The following DUSP22 variants were observed in gnomAD, a reference collection of about 807,000 sequenced individuals.
DUSP22 encodes the protein dual specificity phosphatase 22, also known as dual specificity protein phosphatase 22.
DUSP22 carries 24 observed loss-of-function variants against 24.5 expected under a neutral mutation model. That is an observed-to-expected ratio of 0.98 (90% CI 0.71 to 1.38). The LOEUF is 1.38. Among genes scored for constraint, DUSP22 ranks in the 40% most tolerant of loss-of-function variants. The pLI is 0.00. For synonymous variants in DUSP22, 160 were observed against 106.4 expected (o/e 1.50, Z -3.10); for missense variants, 330 against 269.2 (o/e 1.23, Z -1.58).
chr6:332,230 T>C (rs1166789336), intron 3 of DUSP22, among the ~76,000 whole-genome samples: 4 of 152,302 alleles, frequency 2.6e-5, no homozygotes, highest in Non-Finnish European at 5.9e-5. Flanking sequence ...GGTTTTCTAT[T>C]TTTATCTGTC....
chr6:348,019 A>C (rs1220883315), intron 5 of DUSP22, 84 bp from the exon 6 acceptor site: 1 of 1,567,238 alleles, frequency 6.4e-7, no homozygotes, highest in Non-Finnish European at 8.7e-7. Context: ...CAAGGTCCTT[A>C]GAGTCCCCCG....
At chr6:315,225 G>C (rs1033640622) in intron 3 of DUSP22, among the ~76,000 whole-genome samples, 1 of 152,310 alleles carries the variant, frequency 6.6e-6, no homozygotes, top group African/African-American at 2.4e-5. Flanking sequence ...GGACCTTCAA[G>C]CTCTCTAGTA....
At chr6:335,424 C>T (rs73717035) in intron 4 of DUSP22, among the ~76,000 whole-genome samples, 11,754 of 148,778 alleles carry the variant, frequency 0.079, 26 homozygotes, top group East Asian at 0.22. Flanking sequence ...CTGATGTTTA[C>T]AAAGGATACC....
chr6:296,566 C>G (rs1003203939), intron 1 of DUSP22, among the ~76,000 whole-genome samples: 1 of 151,036 alleles, frequency 6.6e-6, no homozygotes, highest in Non-Finnish European at 1.5e-5. Flanking sequence ...TTGAAAACTC[C>G]TAGTTGACTC....
chr6:338,838 G>A lies in DUSP22; in HGVS notation c.188+3675G>A, dbSNP rs1358234641. ...ACGAACAGGAATTCTGGCAAGTTAT[G>A]CTTAGTAAGAGATGTGTGACCTTTG... On this transcript the variant is annotated intron_variant, in intron 4 of 6. Transcript: ENST00000419235. Among the ~76,000 whole-genome samples, 4 of 152,304 alleles carry A rather than the reference G, an allele frequency of 2.6e-5. No individual in the cohort carries two copies. In the East Asian group the frequency reaches 7.7e-4, roughly 29 times the overall value.
chr6:312,195 G>A (rs73717027), intron 3 of DUSP22, among the ~76,000 whole-genome samples: 72 of 152,392 alleles, frequency 4.7e-4, no homozygotes, highest in African/African-American at 1.5e-3. Context: ...TTTGGCTTTC[G>A]TGGCTAAATG....
intron 1 of DUSP22, among the ~76,000 whole-genome samples, chr6:299,460 A>G (rs1220420171): frequency 1.3e-4 from 20 of 152,302 alleles, no homozygotes; most frequent in African/African-American, 4.8e-4. Context: ...TAGAAGTTGA[A>G]ATATTCATGG....
chr6:348,948 CT>C lies in DUSP22; in HGVS notation c.616del (p.Ter206AsnfsTer68). ...CCTACGATAATTATACGACGGAGAC[CT>C]AACGCAAGCGACCTGCTGCCTTCCT... ...LTYDNYTTET[*>X] is the part of the protein sequence containing the mutation. On this transcript the variant is annotated frameshift_variant and stop_lost, in exon 7 of 7. Transcript: ENST00000419235. LOFTEE classifies it high-confidence loss of function. 1 of 1,587,166 alleles carries C rather than the reference CT, an allele frequency of 6.3e-7. No homozygotes were observed.
chr6:342,525 C>CCAG (rs1436232536), intron 4 of DUSP22, among the ~76,000 whole-genome samples: 28 of 152,296 alleles, frequency 1.8e-4, no homozygotes, highest in African/African-American at 6.3e-4. Context: ...AAGTTGCAGA[C>CCAG]CAGCAGTCTG....
rs140760895 is a variant in DUSP22 at position 311,890 on chromosome 6, C to T, written c.66C>T (p.Asp22=). 91 of 1,611,464 alleles carry T rather than the reference C, an allele frequency of 5.6e-5. No individual in the cohort carries two copies. The African/African-American group carries it at 8.0e-4, about 14-fold the overall frequency. Residue 22 remains aspartate (D), a synonymous_variant, in exon 3 of 7, where the codon GAC becomes GAT. Transcript: ENST00000419235. ...LYIGNFKDAR[D]AEQLSKNKVT... is the part of the protein sequence containing the mutation. Reference sequence around the variant, plus strand: ...TTTCTTCTCTGACAGATGCCAGAGACGCGGAACAATTGAGCAAGAACAAGG... The same window carrying T: ...TTTCTTCTCTGACAGATGCCAGAGATGCGGAACAATTGAGCAAGAACAAGG...
chr6:330,990 T>G (rs911495959), intron 3 of DUSP22, among the ~76,000 whole-genome samples: 5 of 152,304 alleles, frequency 3.3e-5, no homozygotes, highest in Admixed American at 6.5e-5. Flanking sequence ...TTCTTCCCCC[T>G]TTTCCTCTCC....
chr6:305,239 C>T (rs1042125788), intron 2 of DUSP22, among the ~76,000 whole-genome samples: 65 of 152,374 alleles, frequency 4.3e-4, no homozygotes, highest in Non-Finnish European at 7.6e-4. Context: ...CACCCAAGCC[C>T]CTTGCTGGGT....
intron 1 of DUSP22, among the ~76,000 whole-genome samples, chr6:296,462 G>A (rs1040373834): frequency 3.3e-5 from 5 of 152,300 alleles, no homozygotes; most frequent in African/African-American, 4.8e-5. Context: ...GCCTCACCAC[G>A]CTGCTAAGAT....
Position 350,675 on chromosome 6 carries a change from C to G in DUSP22, c.*1724C>G, listed in dbSNP as rs1433857161. On this transcript the variant is annotated 3_prime_UTR_variant, in exon 7 of 7. Transcript: ENST00000419235. ...CAATAAAGTACATGTTTTTCCTAAG[C>G]CAAAAATAAATACGTTAACAGAAAA... is the stretch of plus-strand genomic sequence containing the variant. The G allele has an allele frequency of 6.5e-7, 1 of 1,544,202 alleles. No homozygotes were observed. Among genetic ancestry groups the G allele is most frequent in the Non-Finnish European group, 8.7e-7 (1 of 1,145,418 alleles).
At chr6:324,487 C>T (rs1758758402) in intron 3 of DUSP22, among the ~76,000 whole-genome samples, 1 of 152,310 alleles carries the variant, frequency 6.6e-6, no homozygotes. Context: ...GGTGTCCCTC[C>T]TGGTGTTGAG....
intron 4 of DUSP22, among the ~76,000 whole-genome samples, chr6:343,939 T>G (rs1469557720): frequency 6.6e-6 from 1 of 152,308 alleles, no homozygotes; most frequent in Admixed American, 6.5e-5. Flanking sequence ...GAGAAGTCAG[T>G]TTAGTCCATG....
At chr6:340,485 G>A (rs1759559816) in intron 4 of DUSP22, among the ~76,000 whole-genome samples, 1 of 152,304 alleles carries the variant, frequency 6.6e-6, no homozygotes, top group Non-Finnish European at 1.5e-5. Flanking sequence ...CCTGGACCCA[G>A]ATAGAATACT....
rs1760156577 is a variant in DUSP22 at position 350,664 on chromosome 6, T to C, written c.*1713T>C. ...AAACAATTTGCCAATAAAGTACATG[T>C]TTTTCCTAAGCCAAAAATAAATACG... On this transcript the variant is annotated 3_prime_UTR_variant, in exon 7 of 7. Transcript: ENST00000419235. 1 of 1,524,676 alleles carries C rather than the reference T, an allele frequency of 6.6e-7. No homozygotes were observed. Among genetic ancestry groups the C allele is most frequent in the South Asian group, 1.3e-5 (1 of 77,908 alleles). The allele number at this position is 1,524,676 out of a possible 1,614,324, so 94.4% of individuals were successfully genotyped here.
At chr6:328,198 C>G (rs1581174637) in intron 3 of DUSP22, among the ~76,000 whole-genome samples, 2 of 152,428 alleles carry the variant, frequency 1.3e-5, no homozygotes, top group South Asian at 4.1e-4. Flanking sequence ...GCCTTGGTCC[C>G]AAGTGACTGC....
Sources: allele counts gnomAD v4.1 joint callset (sites outside exome capture counted in the v4.1 genomes callset), GRCh38; gene constraint gnomAD v4.1.1; transcripts MANE v1.5; gene names NCBI Gene and HGNC (gene_info 2026-07-23, HGNC 2026-07-21).